PCSK6: variants seen among roughly 807,000 people sequenced by gnomAD.
The protein encoded by PCSK6 is proprotein convertase subtilisin/kexin type 6.
In PCSK6, 85 loss-of-function variants were observed where a neutral mutation model predicts 123.3. The observed-to-expected ratio is 0.69, with a 90% confidence interval of 0.58 to 0.83. The LOEUF (loss-of-function observed/expected upper bound fraction) is 0.83, where lower values mean the gene tolerates loss of function less well. Among genes scored for constraint, PCSK6 ranks in the 40% least tolerant of loss-of-function variants. The pLI is 0.00. For synonymous variants in PCSK6, 508 were observed against 516.0 expected, an observed-to-expected ratio of 0.98 and a Z score of 0.21; for missense variants, 1,191 against 1,282.3, an observed-to-expected ratio of 0.93 and a Z score of 1.09.
intron 6 of PCSK6, among the ~76,000 whole-genome samples, chr15:101,403,329 AG>A (rs1347438113): frequency 6.4e-4 from 97 of 150,464 alleles, no homozygotes; most frequent in African/African-American, 2.1e-3. Flanking sequence ...CTAAATGACC[AG>A]TTAATGGGTG....
chr15:101,402,236 G>T (rs2042611804), intron 6 of PCSK6, among the ~76,000 whole-genome samples: 2 of 145,794 alleles, frequency 1.4e-5, no homozygotes, highest in South Asian at 4.5e-4. Context: ...GCTGAAACTG[G>T]ATCCCTTCCT....
chr15:101,333,597 G>A lies in PCSK6; in HGVS notation c.1859-1566C>T, dbSNP rs573360292. On this transcript the variant is annotated intron_variant, in intron 13 of 21. Coordinates refer to ENST00000611716, the MANE Select transcript of PCSK6 (RefSeq NM_002570.5). ...TCTGCCCATGCTCGCTACTCCACCC[G>A]CTGGCTCTAAATGGCAGCCTGTCTG... 1.8e-4 allele frequency among the ~76,000 whole-genome samples: 28 copies of A among 152,286 alleles called. No homozygotes were observed. In the South Asian group the frequency reaches 3.3e-3, roughly 18 times the overall value.
At chr15:101,433,577 AG>A (rs1362201184) in intron 2 of PCSK6, among the ~76,000 whole-genome samples, 2 of 152,306 alleles carry the variant, frequency 1.3e-5, no homozygotes, top group African/African-American at 4.8e-5. Flanking sequence ...CAAACAGGGC[AG>A]GCTGCCTGGA....
rs1338631678 is a variant in PCSK6 at position 101,305,568 on chromosome 15, C to T, written c.2813-213G>A. On this transcript the variant is annotated intron_variant, in intron 21 of 21. Coordinates refer to ENST00000611716, the MANE Select transcript of PCSK6 (RefSeq NM_002570.5). This position sits in a 1 kb window ranked among gnomAD's most constrained non-coding sequence, Gnocchi z 4.8. ...ACTAATAATATAAAAATTAGCTGGG[C>T]ATGGTGGTGGGCACCTGTAATCCAA... 1.5e-5 allele frequency: 7 copies of T among 478,376 alleles called. No homozygotes were observed. The highest frequency in any genetic ancestry group is 1.4e-4 in the African/African-American group (7 of 50,720). The allele number at this position is 478,376 out of a possible 1,614,324, so 29.6% of individuals were successfully genotyped here. A position where few individuals can be genotyped will look rare whatever the true frequency, so the allele number is the denominator to read the frequency against.
intron 11 of PCSK6, among the ~76,000 whole-genome samples, chr15:101,371,509 A>C (rs1028405594): frequency 6.6e-6 from 1 of 152,274 alleles, no homozygotes; most frequent in Non-Finnish European, 1.5e-5. Context: ...ACTAGCATTG[A>C]AAATAGAAGT....
At chr15:101,445,034 C>T (rs890799057) in intron 1 of PCSK6, among the ~76,000 whole-genome samples, 1 of 152,310 alleles carries the variant, frequency 6.6e-6, no homozygotes, top group East Asian at 1.9e-4. Context: ...ATAAAGAGTT[C>T]CCTTTTCTAC....
intron 1 of PCSK6, among the ~76,000 whole-genome samples, chr15:101,479,784 C>T (rs1243357027): frequency 6.6e-6 from 1 of 151,532 alleles, no homozygotes; most frequent in East Asian, 2.0e-4. Flanking sequence ...CCCTCCACCA[C>T]CTTCCCAGAT....
At chr15:101,306,701 C>T (rs1465605687) in intron 21 of PCSK6, among the ~76,000 whole-genome samples, 1 of 152,204 alleles carries the variant, frequency 6.6e-6, no homozygotes, top group East Asian at 1.9e-4. Context: ...CCTTGTCCCC[C>T]ATCCTATGGC....
intron 13 of PCSK6, among the ~76,000 whole-genome samples, chr15:101,361,628 GT>G (rs1252025230): frequency 6.6e-6 from 1 of 152,216 alleles, no homozygotes; most frequent in Non-Finnish European, 1.5e-5. Context: ...ATGATTCACG[GT>G]GGAGAGGTGC....
intron 1 of PCSK6, among the ~76,000 whole-genome samples, chr15:101,475,652 A>AT (rs35792381): frequency 0.68 from 83,339 of 122,630 alleles, 29,467 homozygotes; most frequent in Non-Finnish European, 0.74. Flanking sequence ...CACTTGGCTA[A>AT]TTTTTTTTTT....
intron 6 of PCSK6, among the ~76,000 whole-genome samples, chr15:101,425,898 G>C (rs1051987841): frequency 3.3e-5 from 5 of 152,278 alleles, no homozygotes; most frequent in Non-Finnish European, 5.9e-5. Context: ...CATGATGCAG[G>C]TGTTACCTAC....
chr15:101,426,878 G>GC (rs1489848173), intron 6 of PCSK6, among the ~76,000 whole-genome samples: 7 of 151,678 alleles, frequency 4.6e-5, no homozygotes, highest in South Asian at 4.2e-4. Context: ...GGATGGCAGT[G>GC]CCCCCCCGGG....
chr15:101,487,512 T>C (rs1290965174), intron 1 of PCSK6, among the ~76,000 whole-genome samples: 1 of 151,946 alleles, frequency 6.6e-6, no homozygotes, highest in African/African-American at 2.4e-5. Flanking sequence ...GGCATTTTTA[T>C]TCCCACAGAT....
rs1179490390 is a variant in PCSK6 at position 101,418,265 on chromosome 15, C to A, written c.823+9627G>T. 2.6e-5 allele frequency among the ~76,000 whole-genome samples: 4 copies of A among 152,146 alleles called. No homozygotes were observed. The East Asian group carries it at 5.8e-4, about 22-fold the overall frequency. ...CAACACTTCAGAAATCAGGCACTAT[C>A]CACAATATATTAACTATTTCAGAGC... On this transcript the variant is annotated intron_variant, in intron 6 of 21. Coordinates refer to ENST00000611716, the MANE Select transcript of PCSK6 (RefSeq NM_002570.5).
intron 13 of PCSK6, among the ~76,000 whole-genome samples, chr15:101,361,287 G>C (rs558041467): frequency 7.2e-6 from 1 of 138,842 alleles, no homozygotes; most frequent in African/African-American, 2.8e-5. Context: ...AGATATTTGA[G>C]TTTATATGTC....
chr15:101,472,861 T>G (rs867172489), intron 1 of PCSK6, among the ~76,000 whole-genome samples: 1 of 152,214 alleles, frequency 6.6e-6, no homozygotes, highest in Non-Finnish European at 1.5e-5. Context: ...GGGCTCTTTA[T>G]GAGTAACAAT....
Position 101,347,634 on chromosome 15 carries a change from G to A in PCSK6, c.1859-15603C>T, listed in dbSNP as rs1304586576. The A allele has an allele frequency of 2.6e-6, 4 of 1,567,844 alleles. No homozygotes were observed. The Admixed American group carries it at 6.9e-5, about 27-fold the overall frequency. ...TGCTGAGCCTCTGGGGGCGGGAGCT[G>A]AGAGATCCAGCTCTGGACTTCCAAA... On this transcript the variant is annotated intron_variant, in intron 13 of 21. Coordinates refer to ENST00000611716, the MANE Select transcript of PCSK6 (RefSeq NM_002570.5).
Position 101,450,843 on chromosome 15 carries a change from G to A in PCSK6, c.298-7183C>T, listed in dbSNP as rs550344537. On this transcript the variant is annotated intron_variant, in intron 1 of 21. Transcript: ENST00000611716. The stretch of plus-strand genomic sequence containing the variant: ...CAGGCAGACCACCTCCCGGCTGTAT[G>A]GTCTGGGCAAGACCCCCACTGGCCT... 3.3e-5 allele frequency among the ~76,000 whole-genome samples: 5 copies of A among 152,192 alleles called. No individual in the cohort carries two copies. The South Asian group carries it at 1.0e-3, about 32-fold the overall frequency.
intron 1 of PCSK6, among the ~76,000 whole-genome samples, chr15:101,465,519 G>C (rs1473931493): frequency 6.6e-6 from 1 of 152,184 alleles, no homozygotes; most frequent in African/African-American, 2.4e-5. Flanking sequence ...CTCTGAGCTG[G>C]CGGGATGAGG....
Sources: gnomAD v4.1 joint callset for allele counts (sites outside exome capture counted in the v4.1 genomes callset) on GRCh38, gnomAD v4.1.1 for gene constraint, Gnocchi (gnomAD v3.1) non-coding constraint, MANE v1.5 for transcripts, NCBI Gene and HGNC (gene_info 2026-07-23, HGNC 2026-07-21) for gene names.